LAMA2: variants seen among roughly 807,000 people sequenced by gnomAD.
LAMA2 encodes laminin subunit alpha 2.
In LAMA2, 269 loss-of-function variants were observed where a neutral mutation model predicts 364.8. The ratio of observed to expected loss-of-function variants is 0.74; its 90% confidence interval spans 0.67 to 0.82. LAMA2 has a LOEUF of 0.82. LAMA2 is among the 40% of genes least tolerant of loss of function. The probability of loss-of-function intolerance (pLI) is 0.00; values close to 1 mark genes in which losing one functional copy is unlikely to be tolerated. For missense variants in LAMA2, 3,807 were observed against 3,873.2 expected, an observed-to-expected ratio of 0.98 and a Z score of 0.45; for synonymous variants, 1,379 against 1,370.6, an observed-to-expected ratio of 1.01 and a Z score of -0.14.
At chr6:129,099,120 T>C (rs1390926974) in intron 4 of LAMA2, among the ~76,000 whole-genome samples, 8 of 69,782 alleles carry the variant, frequency 1.1e-4, no homozygotes. Flanking sequence ...GGAGGTTTTT[T>C]TTTTGTTTTT....
rs779542581 is a variant in LAMA2 at position 129,402,436 on chromosome 6, A to T, written c.5675A>T (p.Gln1892Leu). The T allele has an allele frequency of 1.4e-5, 22 of 1,614,178 alleles. No homozygotes were observed. The highest frequency in any genetic ancestry group is 1.7e-4 in the Middle Eastern group (1 of 6,060). The change falls in exon 39 of 65, where the codon CAG becomes CTG. Residue 1892 changes from glutamine (Q) to leucine (L), a missense_variant. Gln to Leu is a moderately radical substitution (Grantham distance 113). Coordinates refer to ENST00000421865, the MANE Select transcript of LAMA2 (RefSeq NM_000426.4). ...KDRKLAEKVS[Q>L]AESHAAQLND... ...AGGAAGCTTGCTGAGAAGGTGTCCC[A>T]GGCTGAGAGCCACGCAGCTCAGTTG...
intron 40 of LAMA2, among the ~76,000 whole-genome samples, chr6:129,420,352 A>T (rs1781015430): frequency 6.6e-6 from 1 of 152,062 alleles, no homozygotes; most frequent in African/African-American, 2.4e-5. Flanking sequence ...TTCTTCTGTT[A>T]CTCACTTTAC....
chr6:129,199,148 G>T (rs1374334320), intron 12 of LAMA2, among the ~76,000 whole-genome samples: 1 of 152,010 alleles, frequency 6.6e-6, no homozygotes, highest in Non-Finnish European at 1.5e-5. Context: ...AAAATAGTCA[G>T]GCTAAATTGG....
At chr6:129,233,489 T>C (rs1170820454) in intron 12 of LAMA2, among the ~76,000 whole-genome samples, 1 of 152,110 alleles carries the variant, frequency 6.6e-6, no homozygotes, top group African/African-American at 2.4e-5. Flanking sequence ...TAAAGTGTGT[T>C]AGAGAGAAAA....
At chr6:129,382,720 C>T (rs953053421) in intron 34 of LAMA2, among the ~76,000 whole-genome samples, 1 of 152,132 alleles carries the variant, frequency 6.6e-6, no homozygotes, top group Non-Finnish European at 1.5e-5. Context: ...GTTTGTCTCT[C>T]AAGAGATCAT....
chr6:128,893,727 A>G (rs908632423), intron 1 of LAMA2, among the ~76,000 whole-genome samples: 2 of 152,026 alleles, frequency 1.3e-5, no homozygotes, highest in East Asian at 1.9e-4. Flanking sequence ...GATTTATGGT[A>G]TATCTACTAT....
chr6:129,413,103 T>C (rs1780616128), intron 40 of LAMA2, among the ~76,000 whole-genome samples: 1 of 152,076 alleles, frequency 6.6e-6, no homozygotes, highest in Non-Finnish European at 1.5e-5. Context: ...AGACTGAAAA[T>C]GAGAGATAAG....
At position 129,393,095 on chromosome 6, in the gene LAMA2, G is replaced by A. The variant is rs138296015; in HGVS notation, c.5285G>A (p.Arg1762Gln). 2.5e-5 allele frequency: 41 copies of A among 1,613,592 alleles called. No homozygotes were observed. The highest frequency in any genetic ancestry group is 1.7e-4 in the Middle Eastern group (1 of 6,056). Residue 1762 changes from arginine to glutamine, a missense_variant, in exon 37 of 65, where the codon CGG (arginine) becomes CAG (glutamine). This residue lies in a region of LAMA2 where 3,333 missense variants were observed against 3,345.7 expected (regional missense o/e 1.00). Transcript: ENST00000421865. ...KKVKKLFGES[R>Q]GENEEMEKDL... ...GTGAAGAAGCTGTTTGGAGAGTCCC[G>A]GGGGGAAAATGAAGAAATGGAGAAG...
intron 1 of LAMA2, among the ~76,000 whole-genome samples, chr6:128,909,163 A>C (rs373745243): frequency 0.14 from 21,050 of 151,438 alleles, 1,953 homozygotes; most frequent in African/African-American, 0.27. Context: ...CGCTTGGTGC[A>C]GAGCTGAGTT....
At chr6:129,103,540 G>A (rs1775643061) in intron 4 of LAMA2, among the ~76,000 whole-genome samples, 1 of 151,970 alleles carries the variant, frequency 6.6e-6, no homozygotes, top group South Asian at 2.1e-4. Context: ...TTTGCATTTA[G>A]TCACTGATCT....
chr6:129,208,775 A>G (rs1010055697), intron 12 of LAMA2, among the ~76,000 whole-genome samples: 1 of 152,134 alleles, frequency 6.6e-6, no homozygotes. Flanking sequence ...AGGGAGGGCA[A>G]GGAAAGGAAA....
chr6:129,503,337 C>G, intron 60 of LAMA2, 57 bp downstream of exon 60: 1 of 1,487,462 alleles, frequency 6.7e-7, no homozygotes, highest in Non-Finnish European at 9.3e-7. Flanking sequence ...TGGCAGCCAT[C>G]AGCATTCTCC....
chr6:129,500,070 C>T (rs1785510403), intron 58 of LAMA2, among the ~76,000 whole-genome samples: 1 of 151,960 alleles, frequency 6.6e-6, no homozygotes, highest in Non-Finnish European at 1.5e-5. Context: ...ACCCATCAGA[C>T]TTGGTTTCAG....
At chr6:129,180,005 T>G (rs1439764034) in intron 10 of LAMA2, among the ~76,000 whole-genome samples, 1 of 151,700 alleles carries the variant, frequency 6.6e-6, no homozygotes, top group Non-Finnish European at 1.5e-5. Context: ...TTCAACAAAA[T>G]ATGCATACAA....
At chr6:129,507,458 G>T in intron 61 of LAMA2, 31 bp from the exon 62 acceptor site, 1 of 1,613,008 alleles carries the variant, frequency 6.2e-7, no homozygotes, top group Non-Finnish European at 8.5e-7. Flanking sequence ...GCTAAAACCT[G>T]ACATTTGTTT....
At chr6:129,118,367 C>T (rs552012484) in intron 4 of LAMA2, among the ~76,000 whole-genome samples, 2 of 152,252 alleles carry the variant, frequency 1.3e-5, no homozygotes, top group African/African-American at 4.8e-5. Flanking sequence ...CTTAGATGTG[C>T]CTTCTTAGAA....
chr6:128,969,708 G>A (rs1782073006), intron 1 of LAMA2, among the ~76,000 whole-genome samples: 1 of 151,964 alleles, frequency 6.6e-6, no homozygotes, highest in South Asian at 2.1e-4. Flanking sequence ...TGGGACTACA[G>A]GCATGAGCCA....
chr6:129,245,039 A>C (rs1395107517), intron 12 of LAMA2, among the ~76,000 whole-genome samples: 4 of 152,158 alleles, frequency 2.6e-5, no homozygotes, highest in African/African-American at 9.6e-5. Flanking sequence ...AGAACAGGAA[A>C]GTGAATGGCT....
intron 17 of LAMA2, among the ~76,000 whole-genome samples, chr6:129,271,982 G>C (rs900004061): frequency 6.6e-6 from 1 of 152,120 alleles, no homozygotes; most frequent in African/African-American, 2.4e-5. Flanking sequence ...TTGAAACTGT[G>C]CTTCCTACTG....
Sources: gnomAD v4.1 joint callset for allele counts (sites outside exome capture counted in the v4.1 genomes callset) on GRCh38, gnomAD v4.1.1 for gene constraint, gnomAD v4.1.1 regional missense constraint, MANE v1.5 for transcripts, NCBI Gene and HGNC (gene_info 2026-07-23, HGNC 2026-07-21) for gene names.